The following JAM2 variants were observed in gnomAD, a reference collection of about 807,000 sequenced individuals.
The protein encoded by JAM2 is junctional adhesion molecule 2.
Under a neutral mutation model 42.0 loss-of-function variants are expected in JAM2, and 17 were observed. The observed-to-expected ratio is 0.40, with a 90% confidence interval of 0.28 to 0.61. The LOEUF (loss-of-function observed/expected upper bound fraction) is 0.61. Among genes scored for constraint, JAM2 ranks in the 20% least tolerant of loss-of-function variants. The pLI, the probability that JAM2 is intolerant of heterozygous loss-of-function variation, is 0.37. For missense variants in JAM2, 319 were observed against 358.3 expected (o/e 0.89, Z 0.89); for synonymous variants, 118 against 128.6 (o/e 0.92, Z 0.56).
intron 5 of JAM2, among the ~76,000 whole-genome samples, chr21:25,699,125 G>T (rs536369851): frequency 6.6e-6 from 1 of 152,244 alleles, no homozygotes; most frequent in East Asian, 1.9e-4. Flanking sequence ...GAGCAAAGGG[G>T]CAAAGGCTCC....
chr21:25,713,858 A>C (rs1473221587), intron 9 of JAM2, among the ~76,000 whole-genome samples: 2 of 152,230 alleles, frequency 1.3e-5, no homozygotes, highest in African/African-American at 4.8e-5. Context: ...ATTGTGGCTA[A>C]ACTGAATGAA....
intron 2 of JAM2, among the ~76,000 whole-genome samples, chr21:25,684,661 G>A (rs1279932350): frequency 6.6e-6 from 1 of 152,148 alleles, no homozygotes; most frequent in Non-Finnish European, 1.5e-5. Flanking sequence ...GGAGTGCAGT[G>A]TGGCATGATC....
rs11348784 is a variant in JAM2, at chr21:25,697,007, ATT to A, written c.395-1653_395-1652del. Among the ~76,000 whole-genome samples the A allele has an allele frequency of 2.7e-4, 36 of 133,318 alleles. 1 individual carries two copies. The highest frequency in any genetic ancestry group is 4.4e-4 in the African/African-American group (16 of 36,400). The allele number at this position is 133,318 out of a possible 152,430, so 87.5% of individuals were successfully genotyped here. The stretch of plus-strand genomic sequence containing the variant: ...CAGCTGAGACAACAGGCACACACCT[ATT>A]TTTTTTTTTTTTTTTTGTAGAGACA... On this transcript the variant is annotated intron_variant, in intron 4 of 9. Coordinates refer to ENST00000480456, the MANE Select transcript of JAM2 (RefSeq NM_021219.4).
At chr21:25,675,934 C>G (rs941120710) in intron 1 of JAM2, among the ~76,000 whole-genome samples, 1 of 152,212 alleles carries the variant, frequency 6.6e-6, no homozygotes, top group African/African-American at 2.4e-5. Context: ...TAACTGATAT[C>G]CATACTTTTT....
Position 25,714,749 on chromosome 21 carries a change from C to A in JAM2, c.*77C>A. The A allele has an allele frequency of 1.0e-6, 1 of 968,596 alleles. No homozygotes were observed. The highest frequency in any genetic ancestry group is 2.1e-5 in the South Asian group (1 of 48,416). The allele number at this position is 968,596 out of a possible 1,614,324, so 60.0% of individuals were successfully genotyped here. On this transcript the variant is annotated 3_prime_UTR_variant, in exon 10 of 10. Transcript: ENST00000480456. ...AACTATTATAAAACTCTGCTTTGTC[C>A]GACATTTGCAAAGAGGTACACGAGG...
Position 25,716,846 on chromosome 21 carries a change from G to C in JAM2, c.*2174G>C, listed in dbSNP as rs2034489401. On this transcript the variant is annotated 3_prime_UTR_variant, in exon 10 of 10. Coordinates refer to ENST00000480456, the MANE Select transcript of JAM2 (RefSeq NM_021219.4). ...TATGTTTTGGTTGGAAGATTTCTTT[G>C]GTTTGAGGAATGCTTTCCTCTTGCA... is the stretch of plus-strand genomic sequence containing the variant. 1 of 152,196 alleles carries C rather than the reference G, an allele frequency of 6.6e-6. No homozygotes were observed. Among genetic ancestry groups the C allele is most frequent in the Non-Finnish European group, 1.5e-5 (1 of 68,034 alleles). 9.4% of individuals were successfully genotyped at this position (152,196 alleles called of 1,614,324 possible). A position where few individuals can be genotyped will look rare whatever the true frequency, so the allele number is the denominator to read the frequency against.
chr21:25,652,127 T>G (rs1196052782), intron 1 of JAM2, among the ~76,000 whole-genome samples: 1 of 152,212 alleles, frequency 6.6e-6, no homozygotes, highest in African/African-American at 2.4e-5. Flanking sequence ...GGTTTACACT[T>G]GTAATCCCCA....
chr21:25,694,116 C>T (rs900208564), intron 4 of JAM2, among the ~76,000 whole-genome samples: 13 of 152,278 alleles, frequency 8.5e-5, no homozygotes, highest in African/African-American at 2.4e-4. Context: ...TTTAGTAATG[C>T]GTTATCACAA....
chr21:25,695,669 G>A (rs2033998640), intron 4 of JAM2, among the ~76,000 whole-genome samples: 1 of 151,672 alleles, frequency 6.6e-6, no homozygotes, highest in Admixed American at 6.6e-5. Flanking sequence ...TCCCAGACGG[G>A]GCGGGGCGGC....
chr21:25,674,021 CT>C (rs2033424695), intron 1 of JAM2, among the ~76,000 whole-genome samples: 2 of 152,160 alleles, frequency 1.3e-5, no homozygotes, highest in Non-Finnish European at 2.9e-5. Context: ...TAAGATGTGC[CT>C]TTTGCCTTCC....
intron 2 of JAM2, among the ~76,000 whole-genome samples, chr21:25,685,310 G>A (rs1039772562): frequency 6.6e-6 from 1 of 151,688 alleles, no homozygotes; most frequent in African/African-American, 2.4e-5. Flanking sequence ...AACTCCTGAG[G>A]CCAGGAGTTT....
intron 3 of JAM2, among the ~76,000 whole-genome samples, chr21:25,690,253 G>GTTCC (rs2033847943): frequency 6.6e-6 from 1 of 152,018 alleles, no homozygotes; most frequent in South Asian, 2.1e-4. Flanking sequence ...ATTAAACTCC[G>GTTCC]TTCCTTCCTT....
intron 1 of JAM2, among the ~76,000 whole-genome samples, chr21:25,653,709 C>T (rs1044379695): frequency 5.9e-5 from 9 of 152,048 alleles, no homozygotes; most frequent in African/African-American, 1.7e-4. Flanking sequence ...TCCCTTTACA[C>T]GTGGGGATGA....
chr21:25,667,398 G>C (rs771904377), intron 1 of JAM2, among the ~76,000 whole-genome samples: 1 of 152,146 alleles, frequency 6.6e-6, no homozygotes, highest in Non-Finnish European at 1.5e-5. Context: ...ATCTCATCAC[G>C]TCGGCATTTT....
chr21:25,696,409 A>T (rs1299603946), intron 4 of JAM2, among the ~76,000 whole-genome samples: 3 of 152,050 alleles, frequency 2.0e-5, no homozygotes, highest in Non-Finnish European at 2.9e-5. Context: ...AGGGAGAGGG[A>T]GGAGGAGGGG....
At chr21:25,660,108 A>G (rs1031881605) in intron 1 of JAM2, among the ~76,000 whole-genome samples, 1 of 151,944 alleles carries the variant, frequency 6.6e-6, no homozygotes, top group African/African-American at 2.4e-5. Context: ...TTTAGTAGAG[A>G]CGGGGTTTCA....
intron 1 of JAM2, among the ~76,000 whole-genome samples, chr21:25,654,352 A>G (rs527429038): frequency 1.2e-4 from 19 of 152,292 alleles, no homozygotes; most frequent in Admixed American, 1.3e-4. Flanking sequence ...AGCATCATTG[A>G]AAGTAGGACA....
chr21:25,706,655 C>T (rs897123097), intron 7 of JAM2, among the ~76,000 whole-genome samples: 4 of 152,236 alleles, frequency 2.6e-5, no homozygotes, highest in African/African-American at 9.6e-5. Flanking sequence ...ATGCAAGAGG[C>T]ATCCTTGGAG....
At chr21:25,679,309 T>C (rs1222115059) in intron 1 of JAM2, among the ~76,000 whole-genome samples, 1 of 152,202 alleles carries the variant, frequency 6.6e-6, no homozygotes, top group Non-Finnish European at 1.5e-5. Context: ...ACAATTCTGA[T>C]TTTATACAAA....
Sources: gnomAD v4.1 joint callset for allele counts (sites outside exome capture counted in the v4.1 genomes callset) on GRCh38, gnomAD v4.1.1 for gene constraint, MANE v1.5 for transcripts, NCBI Gene and HGNC (gene_info 2026-07-23, HGNC 2026-07-21) for gene names.